Variants in ALMS1 observed in about 807,000 individuals in gnomAD.
ALMS1 encodes the protein centrosome-associated protein ALMS1.
In ALMS1, 271 loss-of-function variants were observed where a neutral mutation model predicts 352.2. That is an observed-to-expected ratio of 0.77 (90% CI 0.70 to 0.85). The LOEUF (loss-of-function observed/expected upper bound fraction) is 0.85, where lower values mean the gene tolerates loss of function less well. Among genes scored for constraint, ALMS1 ranks in the 40% least tolerant of loss-of-function variants. ALMS1 has a pLI of 0.00. For missense variants in ALMS1, 5,445 were observed against 4,870.7 expected (o/e 1.12, Z -3.51); for synonymous variants, 1,865 against 1,761.2 (o/e 1.06, Z -1.48).
At position 73,558,987 on chromosome 2, in the gene ALMS1, C is replaced by CTGCTGCAGA; in HGVS notation, c.10230_10238dup (p.Ala3412_Glu3413insAspAlaAla). 6.2e-7 allele frequency: 1 copy of CTGCTGCAGA among 1,614,010 alleles called. No homozygotes were observed. The highest frequency in any genetic ancestry group is 1.1e-5 in the South Asian group (1 of 91,074). On this transcript the variant is annotated inframe_insertion, in exon 15 of 23. Coordinates refer to ENST00000613296, the MANE Select transcript of ALMS1 (RefSeq NM_001378454.1). ...CCTTTCGTAGATTCCAGTGCTGCTGCTGCTGCAGAGCACTCAGCTCAAGTA... is the reference window on the plus strand; with the variant it reads ...CCTTTCGTAGATTCCAGTGCTGCTGCTGCTGCAGATGCTGCAGAGCACTCAGCTCAAGTA...
rs1558647450 is a variant in ALMS1, at chr2:73,448,187, G to C, written c.1660G>C (p.Val554Leu). 6.2e-7 allele frequency: 1 copy of C among 1,614,026 alleles called. No homozygotes were observed. Among genetic ancestry groups the C allele is most frequent in the Non-Finnish European group, 8.5e-7 (1 of 1,179,922 alleles). The change falls in exon 8 of 23, where the codon GTC becomes CTC. Residue 554 changes from valine to leucine, a missense_variant. Transcript: ENST00000613296. ...DTHLTEETLK[V>L]TAIPEPADQK... ...TCATCTAACTGAAGAGACTCTGAAA[G>C]TCACAGCTATTCCTGAACCAGCTGA...
chr2:73,448,618 T>C lies in ALMS1; in HGVS notation c.2091T>C (p.Ala697=), dbSNP rs1671856697. The C allele has an allele frequency of 6.2e-7, 1 of 1,613,804 alleles. No individual in the cohort carries two copies. Among genetic ancestry groups the C allele is most frequent in the Non-Finnish European group, 8.5e-7 (1 of 1,179,948 alleles). Reference sequence around the variant, plus strand: ...CTGATCAGGCTCTGAAAGTCTCAGCTGTGTCTGGACCAGCTGACCAGAAGA... The same window carrying C: ...CTGATCAGGCTCTGAAAGTCTCAGCCGTGTCTGGACCAGCTGACCAGAAGA... ...HLTDQALKVS[A]VSGPADQKTG... Residue 697 remains alanine (A), a synonymous_variant, in exon 8 of 23, where the codon GCT becomes GCC. Coordinates refer to ENST00000613296, the MANE Select transcript of ALMS1 (RefSeq NM_001378454.1).
chr2:73,410,170 C>T (rs1338704066), intron 2 of ALMS1, among the ~76,000 whole-genome samples: 2 of 152,100 alleles, frequency 1.3e-5, no homozygotes, highest in Non-Finnish European at 2.9e-5. Flanking sequence ...GGGTGGATCA[C>T]CTGAGGTCAG....
Position 73,451,273 on chromosome 2 carries a change from A to G in ALMS1, c.4746A>G (p.Lys1582=). The stretch of plus-strand genomic sequence containing the variant: ...GAGAGAAGCCGATTGTTAACTACAA[A>G]CAGGCCTTTCCAGATGGTCATCTAC... ...SFGEKPIVNY[K]QAFPDGHLPE... is the part of the protein sequence containing the mutation. Residue 1582 remains lysine (K), a synonymous_variant, in exon 8 of 23, where the codon AAA becomes AAG. Coordinates refer to ENST00000613296, the MANE Select transcript of ALMS1 (RefSeq NM_001378454.1). The G allele has an allele frequency of 6.2e-7, 1 of 1,613,746 alleles. No individual in the cohort carries two copies. The highest frequency in any genetic ancestry group is 8.5e-7 in the Non-Finnish European group (1 of 1,179,922).
chr2:73,424,692 T>C lies in ALMS1; in HGVS notation c.1027T>C (p.Cys343Arg). 6.2e-7 allele frequency: 1 copy of C among 1,614,158 alleles called. No individual in the cohort carries two copies. Among genetic ancestry groups the C allele is most frequent in the Non-Finnish European group, 8.5e-7 (1 of 1,180,010 alleles). ...AGACTGTGATCGTTATGATGATCTT[T>C]GTTCATATATGTCATGGAAGACACG... is the stretch of plus-strand genomic sequence containing the variant. ...PKDCDRYDDLCSYMSWKTRKD... is the reference protein window; with the variant it reads ...PKDCDRYDDLRSYMSWKTRKD... Residue 343 changes from cysteine (C) to arginine (R), a missense_variant, in exon 5 of 23, where the codon TGT becomes CGT. Coordinates refer to ENST00000613296, the MANE Select transcript of ALMS1 (RefSeq NM_001378454.1).
chr2:73,475,849 A>G (rs533655667), intron 9 of ALMS1, among the ~76,000 whole-genome samples: 5 of 151,980 alleles, frequency 3.3e-5, no homozygotes, highest in Non-Finnish European at 7.4e-5. Flanking sequence ...TTATATTTAG[A>G]TCTGTGGTTC....
chr2:73,512,676 C>G (rs1448088793), intron 10 of ALMS1, among the ~76,000 whole-genome samples: 1 of 152,004 alleles, frequency 6.6e-6, no homozygotes, highest in Non-Finnish European at 1.5e-5. Flanking sequence ...TTTATTGTTA[C>G]TATTGTAATT....
rs1488544902 is a variant in ALMS1, at chr2:73,608,600, G to C, written c.12462+26G>C. ...GTCAGTGGGTCCTCTGTCTAGAGTG[G>C]GATGGATCAGGTTTATTGGCGGAAA... On this transcript the variant is annotated intron_variant, in intron 22 of 22. Coordinates refer to ENST00000613296, the MANE Select transcript of ALMS1 (RefSeq NM_001378454.1). The C allele has an allele frequency of 1.9e-6, 3 of 1,558,108 alleles. No individual in the cohort carries two copies. The East Asian group carries it at 6.7e-5, about 35-fold the overall frequency.
chr2:73,540,165 C>G (rs1348474086), intron 12 of ALMS1, among the ~76,000 whole-genome samples: 1 of 152,226 alleles, frequency 6.6e-6, no homozygotes. Context: ...AGACTAACAA[C>G]TGATCTCTCA....
chr2:73,479,971 T>C (rs752998307), intron 9 of ALMS1, among the ~76,000 whole-genome samples: 1 of 152,166 alleles, frequency 6.6e-6, no homozygotes, highest in Non-Finnish European at 1.5e-5. Context: ...TAATGGTTTT[T>C]GATGTTGCAC....
Position 73,454,051 on chromosome 2 carries a change from C to G in ALMS1, c.7524C>G (p.Ser2508Arg). The G allele has an allele frequency of 6.2e-7, 1 of 1,611,046 alleles. No homozygotes were observed. The highest frequency in any genetic ancestry group is 8.5e-7 in the Non-Finnish European group (1 of 1,178,526). Residue 2508 changes from serine to arginine, a missense_variant, in exon 8 of 23, where the codon AGC (serine) becomes AGG (arginine). Ser to Arg is a moderately radical substitution (Grantham distance 110). Transcript: ENST00000613296. The part of the protein sequence containing the change: ...EILRNAEEEE[S>R]RVRAHAWNMK... Reference sequence around the variant, plus strand: ...TCAGAAATGCAGAGGAAGAGGAAAGCCGGGTACGAGCACATGGTAAGAAGA... The same window carrying G: ...TCAGAAATGCAGAGGAAGAGGAAAGGCGGGTACGAGCACATGGTAAGAAGA...
In ALMS1 at chr2:73,424,499, C is replaced by G; in HGVS notation, c.834C>G (p.Phe278Leu). ...CATCGGAAGTTAGTGAAGCTTTATT[C>G]CAGGCTACTGCAGAAGTAGCTTCAG... The part of the protein sequence containing the change: ...SRPSEVSEAL[F>L]QATAEVASDL... Residue 278 changes from phenylalanine to leucine, a missense_variant, in exon 5 of 23, where the codon TTC becomes TTG. Coordinates refer to ENST00000613296, the MANE Select transcript of ALMS1 (RefSeq NM_001378454.1). The G allele has an allele frequency of 1.9e-6, 3 of 1,607,268 alleles. No homozygotes were observed. The highest frequency in any genetic ancestry group is 2.5e-6 in the Non-Finnish European group (3 of 1,176,882).
chr2:73,601,823 T>A (rs577436304), intron 19 of ALMS1, among the ~76,000 whole-genome samples: 1 of 152,344 alleles, frequency 6.6e-6, no homozygotes, highest in African/African-American at 2.4e-5. Context: ...GGAAACCAGG[T>A]CTCTTCTGAT....
chr2:73,519,654 A>C, intron 10 of ALMS1, 121 bp from the exon 11 acceptor site: 1 of 1,280,276 alleles, frequency 7.8e-7, no homozygotes, highest in Non-Finnish European at 1.1e-6. Context: ...TTTGACATTG[A>C]TGTGTCCACA....
intron 7 of ALMS1, among the ~76,000 whole-genome samples, chr2:73,439,035 T>A (rs1558644498): frequency 6.6e-6 from 1 of 151,806 alleles, no homozygotes; most frequent in Non-Finnish European, 1.5e-5. Flanking sequence ...TTTCTTCTTT[T>A]TTCTTCTTCT....
chr2:73,451,647 T>C lies in ALMS1; in HGVS notation c.5120T>C (p.Val1707Ala). The C allele has an allele frequency of 6.2e-7, 1 of 1,613,992 alleles. No homozygotes were observed. The change falls in exon 8 of 23, where the codon GTA becomes GCA. Residue 1707 changes from valine to alanine, a missense_variant. By Grantham distance (64) the Val-to-Ala change is moderately conservative. Transcript: ENST00000613296. Reference protein sequence around the residue: ...PDAQKTETPSVSSSLYSYREK... With the variant: ...PDAQKTETPSASSSLYSYREK... ...GCCCAGAAGACTGAGACACCATCAG[T>C]ATCCTCTAGTTTATACTCATATAGA...
intron 2 of ALMS1, among the ~76,000 whole-genome samples, chr2:73,417,130 C>T (rs879355285): frequency 6.6e-6 from 1 of 151,700 alleles, no homozygotes; most frequent in Non-Finnish European, 1.5e-5. Flanking sequence ...ATAGAGGAAA[C>T]GTGGTAAAGA....
intron 11 of ALMS1, among the ~76,000 whole-genome samples, chr2:73,520,296 A>C (rs925635850): frequency 2.0e-5 from 3 of 152,240 alleles, no homozygotes; most frequent in African/African-American, 7.2e-5. Context: ...CAAGTAGTTC[A>C]TAACAACTTG....
At position 73,582,629 on chromosome 2, in the gene ALMS1, T is replaced by C. The variant is rs72913438; in HGVS notation, c.11547+9205T>C. The stretch of plus-strand genomic sequence containing the variant: ...TGAGTGTAATCATGCAGATTTGTCT[T>C]TTTGTGACTGACTTGTTTCACTTAG... On this transcript the variant is annotated intron_variant, in intron 16 of 22. Transcript: ENST00000613296. Among the ~76,000 whole-genome samples, 634 of 152,338 alleles carry C rather than the reference T, an allele frequency of 4.2e-3. 6 individuals are homozygous for C. The highest frequency in any genetic ancestry group is 0.013 in the African/African-American group (531 of 41,568).
Sources: gnomAD v4.1 joint callset for allele counts (sites outside exome capture counted in the v4.1 genomes callset) on GRCh38, gnomAD v4.1.1 for gene constraint, MANE v1.5 for transcripts, NCBI Gene and HGNC (gene_info 2026-07-23, HGNC 2026-07-21) for gene names.